The following CAST variants were observed in gnomAD, a reference collection of about 807,000 sequenced individuals.
CAST encodes calpastatin.
In CAST, 76 loss-of-function variants were observed where a neutral mutation model predicts 119.6. The observed-to-expected ratio is 0.64, with a 90% CI of 0.53 to 0.77. The LOEUF (loss-of-function observed/expected upper bound fraction) is 0.77, where lower values mean the gene tolerates loss of function less well. Among genes scored for constraint, CAST ranks in the 30% least tolerant of loss-of-function variants. The pLI is 0.00. For missense variants in CAST, 953 were observed against 946.5 expected (o/e 1.01, Z -0.09); for synonymous variants, 319 against 331.6 (o/e 0.96, Z 0.41).
chr5:96,159,434 A>G, the CAST span, among the ~76,000 whole-genome samples: 1 of 152,356 alleles, frequency 6.6e-6, no homozygotes, highest in East Asian at 1.9e-4. Context: ...TTATAGGTCA[A>G]ACAACGCAAA....
At chr5:96,615,528 G>T (rs1233367119) in intron 1 of CAST, among the ~76,000 whole-genome samples, 3 of 152,204 alleles carry the variant, frequency 2.0e-5, no homozygotes, top group African/African-American at 7.2e-5. Context: ...AACAGACAAG[G>T]ATTCTGTGGG....
chr5:95,983,130 T>C, the CAST span, among the ~76,000 whole-genome samples: 108 of 152,366 alleles, frequency 7.1e-4, no homozygotes, highest in Non-Finnish European at 1.3e-3. Flanking sequence ...GGCAAAGTTA[T>C]AGTGCTTAAT....
the CAST span, among the ~76,000 whole-genome samples, chr5:96,438,374 C>CT: frequency 6.6e-6 from 1 of 152,064 alleles, no homozygotes; most frequent in African/African-American, 2.4e-5. Flanking sequence ...ATATTCTTAA[C>CT]TCATTTATAG....
At chr5:96,581,917 T>TAAAC (rs1746777710) in intron 1 of CAST, among the ~76,000 whole-genome samples, 1 of 149,814 alleles carries the variant, frequency 6.7e-6, no homozygotes, top group South Asian at 2.1e-4. Context: ...AATAAATAAA[T>TAAAC]AAACAATCTG....
chr5:96,087,579 T>C, the CAST span, among the ~76,000 whole-genome samples: 363 of 152,268 alleles, frequency 2.4e-3, no homozygotes, highest in African/African-American at 8.3e-3. Flanking sequence ...AATATGAAGA[T>C]GAGTGTTCCA....
rs140665192 is a variant in CAST, at chr5:96,588,196, C to CTTTTTTTTT, written c.60+58332_60+58340dup. On this transcript the variant is annotated intron_variant, in intron 1 of 11. Coordinates refer to the CAST transcript ENST00000505143. ...TATTATTTTCTTTCTTTCTTTCTTT[C>CTTTTTTTTT]TTTTTTTTTTTTTTTTTTTTTTTTG... 6.8e-3 allele frequency among the ~76,000 whole-genome samples: 518 copies of CTTTTTTTTT among 75,840 alleles called. 28 individuals are homozygous for CTTTTTTTTT. The highest frequency in any genetic ancestry group is 0.015 in the African/African-American group (247 of 16,028). 49.8% of individuals were successfully genotyped at this position (75,840 alleles called of 152,430 possible).
chr5:96,481,109 G>GTT, the CAST span, among the ~76,000 whole-genome samples: 1 of 146,052 alleles, frequency 6.8e-6, no homozygotes. Context: ...CTCAATCAAA[G>GTT]TTTTTTTTTT....
chr5:96,230,409 G>A, the CAST span, among the ~76,000 whole-genome samples: 6 of 151,996 alleles, frequency 3.9e-5, no homozygotes, highest in East Asian at 1.9e-4. Flanking sequence ...AGAAGCCACC[G>A]CATAATCCTA....
the CAST span, among the ~76,000 whole-genome samples, chr5:96,099,440 A>G: frequency 5.9e-5 from 9 of 152,222 alleles, no homozygotes; most frequent in Non-Finnish European, 1.5e-5. Flanking sequence ...TTGCCTATTC[A>G]GTATGATATT....
intron 1 of CAST, 117 bp downstream of exon 1, chr5:96,662,614 C>A: frequency 8.2e-7 from 1 of 1,224,840 alleles, no homozygotes; most frequent in Non-Finnish European, 1.0e-6. Flanking sequence ...CCGGCGCCCC[C>A]GCGGGGCAGG....
the CAST span, among the ~76,000 whole-genome samples, chr5:96,279,970 C>T: frequency 6.6e-6 from 1 of 152,186 alleles, no homozygotes; most frequent in Non-Finnish European, 1.5e-5. Flanking sequence ...TCCTTTAGCG[C>T]CAGACAACAG....
intron 1 of CAST, among the ~76,000 whole-genome samples, chr5:96,580,216 A>C (rs1746746205): frequency 6.6e-6 from 1 of 152,200 alleles, no homozygotes; most frequent in Non-Finnish European, 1.5e-5. Flanking sequence ...ATTTTATATT[A>C]ATTTCCCCAG....
chr5:96,469,099 C>A, the CAST span, among the ~76,000 whole-genome samples: 1 of 151,988 alleles, frequency 6.6e-6, no homozygotes, highest in African/African-American at 2.4e-5. Flanking sequence ...AAATAGACAG[C>A]AGGTGACAGG....
chr5:96,278,568 T>C, the CAST span: 1 of 152,342 alleles, frequency 6.6e-6, no homozygotes, highest in Admixed American at 6.5e-5. Flanking sequence ...AAAGTGATCA[T>C]AGGATTTTGT....
At chr5:96,099,678 C>G in the CAST span, among the ~76,000 whole-genome samples, 1 of 152,216 alleles carries the variant, frequency 6.6e-6, no homozygotes, top group Non-Finnish European at 1.5e-5. Context: ...ATGAAGCCTA[C>G]TTGATCATGG....
chr5:96,375,437 T>TG, the CAST span, among the ~76,000 whole-genome samples: 1,763 of 64,818 alleles, frequency 0.027, 36 homozygotes, highest in African/African-American at 0.078. Flanking sequence ...TGTGTGTGTG[T>TG]TTTTTTTACT....
the CAST span, chr5:96,415,935 C>T: frequency 3.0e-5 from 24 of 796,534 alleles, no homozygotes; most frequent in South Asian, 3.0e-4. Flanking sequence ...ATTTGTTCCT[C>T]CAGTTGTTAA....
chr5:96,314,072 C>T, the CAST span, among the ~76,000 whole-genome samples: 1 of 152,172 alleles, frequency 6.6e-6, no homozygotes, highest in African/African-American at 2.4e-5. Flanking sequence ...TGCTTTCTAG[C>T]TTGTTTGGGA....
At chr5:96,302,264 G>A in the CAST span, among the ~76,000 whole-genome samples, 1 of 152,170 alleles carries the variant, frequency 6.6e-6, no homozygotes, top group Non-Finnish European at 1.5e-5. Context: ...GCAAAGAACA[G>A]CAGGGCACTG....
Sources: gnomAD v4.1 joint callset for allele counts (sites outside exome capture counted in the v4.1 genomes callset) on GRCh38, gnomAD v4.1.1 for gene constraint, MANE v1.5 for transcripts, NCBI Gene and HGNC (gene_info 2026-07-23, HGNC 2026-07-21) for gene names.